ERI2: variants seen among roughly 807,000 people sequenced by gnomAD.
ERI2 encodes ERI1 exoribonuclease family member 2.
ERI2 carries 35 observed loss-of-function variants against 46.8 expected under a neutral mutation model. The ratio of observed to expected loss-of-function variants is 0.75; its 90% CI spans 0.57 to 0.99. The LOEUF is 0.99. Among genes scored for constraint, ERI2 ranks in the 50% least tolerant of loss-of-function variants. ERI2 has a pLI of 0.00. For missense variants in ERI2, 695 were observed against 796.2 expected (o/e 0.87, Z 1.53); for synonymous variants, 224 against 271.0 (o/e 0.83, Z 1.70).
chr16:20,802,756 T>C (rs1567372273), intron 4 of ERI2, 40 bp downstream of exon 4: 5 of 1,573,398 alleles, frequency 3.2e-6, no homozygotes, highest in African/African-American at 1.4e-5. Flanking sequence ...TTTATTTTCT[T>C]TTTGAAACTG....
rs1201673307 is a variant in ERI2 at position 20,797,216 on chromosome 16, T to C, written c.*508A>G. On this transcript the variant is annotated 3_prime_UTR_variant, in exon 9 of 9. Coordinates refer to ENST00000357967, the MANE Select transcript of ERI2 (RefSeq NM_001142725.2). ...TAAAAATAATACCATCAATTGCTGA[T>C]TAATTTTTAAATGTATAGTATAGAA... 1 of 1,209,476 alleles carries C rather than the reference T, an allele frequency of 8.3e-7. No individual in the cohort carries two copies. The highest frequency in any genetic ancestry group is 1.0e-6 in the Non-Finnish European group (1 of 972,852). The allele number at this position is 1,209,476 out of a possible 1,614,324, so 74.9% of individuals were successfully genotyped here.
At chr16:20,792,622 AG>A (rs1168949506), downstream of ERI2, 1 of 985,292 alleles carries the variant, frequency 1.0e-6, no homozygotes, top group African/African-American at 1.7e-5. Flanking sequence ...CCAGTAACCC[AG>A]GCTCACGTCA....
downstream of ERI2, chr16:20,792,437 A>AC: frequency 6.4e-7 from 1 of 1,562,342 alleles, no homozygotes; most frequent in Non-Finnish European, 8.7e-7. Flanking sequence ...TGATTCATTT[A>AC]CTAAATATGC....
chr16:20,804,388 G>C (rs1485564873), intron 1 of ERI2, among the ~76,000 whole-genome samples: 1 of 152,154 alleles, frequency 6.6e-6, no homozygotes, highest in Non-Finnish European at 1.5e-5. Flanking sequence ...GATAGGGCCA[G>C]GTAAAGTGGC....
chr16:20,788,111 T>TA (rs2080514450), intron 10 of ERI2, among the ~76,000 whole-genome samples: 1 of 152,190 alleles, frequency 6.6e-6, no homozygotes, highest in Admixed American at 6.5e-5. Flanking sequence ...TTTATTTATT[T>TA]TTTTATTTTT....
At chr16:20,801,570 A>G (rs1447122496) in intron 4 of ERI2, among the ~76,000 whole-genome samples, 2 of 152,206 alleles carry the variant, frequency 1.3e-5, no homozygotes, top group Non-Finnish European at 2.9e-5. Flanking sequence ...TGGGAAAGAA[A>G]GAATATTTAG....
At chr16:20,800,865 CAA>C (rs1317473749) in intron 5 of ERI2, 3 of 180,624 alleles carry the variant, frequency 1.7e-5, no homozygotes, top group African/African-American at 7.1e-5. Context: ...TTTTAAGTGT[CAA>C]AGCATAAAAG....
chr16:20,780,269 C>A, exon 11 of ERI2: 1 of 226,298 alleles, frequency 4.4e-6, no homozygotes, highest in Non-Finnish European at 8.9e-6. Flanking sequence ...TGTGTTGGCC[C>A]ATCAGTACCC....
At chr16:20,793,921 T>A (rs1010019262), downstream of ERI2, among the ~76,000 whole-genome samples, 2 of 152,172 alleles carry the variant, frequency 1.3e-5, no homozygotes, top group African/African-American at 4.8e-5. Context: ...CCACCTGATA[T>A]CCTAGCGTAC....
At position 20,797,502 on chromosome 16, in the gene ERI2, T is replaced by C; in HGVS notation, c.*222A>G. ...AATTTAAAAATAGTTTAGACTTGTT[T>C]CAAGGTCTAACTATAAAAGAAGGAT... On this transcript the variant is annotated 3_prime_UTR_variant, in exon 9 of 9. Coordinates refer to ENST00000357967, the MANE Select transcript of ERI2 (RefSeq NM_001142725.2). The C allele has an allele frequency of 8.8e-7, 1 of 1,140,124 alleles. No homozygotes were observed. Among genetic ancestry groups the C allele is most frequent in the East Asian group, 4.3e-5 (1 of 23,502 alleles). 70.6% of individuals were successfully genotyped at this position (1,140,124 alleles called of 1,614,324 possible). A position where few individuals can be genotyped will look rare whatever the true frequency, so the allele number is the denominator to read the frequency against.
chr16:20,799,700 T>C (rs1401488837), intron 7 of ERI2: 3 of 477,196 alleles, frequency 6.3e-6, no homozygotes, highest in East Asian at 7.1e-5. Context: ...TGAGCACTTG[T>C]TTAATCTCCA....
chr16:20,803,597 A>G lies in ERI2; in HGVS notation c.91+6T>C, dbSNP rs1687271633. 1 of 1,614,086 alleles carries G rather than the reference A, an allele frequency of 6.2e-7. No individual in the cohort carries two copies. The highest frequency in any genetic ancestry group is 8.5e-7 in the Non-Finnish European group (1 of 1,179,974). On this transcript the variant is annotated splice_donor_region_variant and intron_variant, in intron 2 of 8. Coordinates refer to ENST00000357967, the MANE Select transcript of ERI2 (RefSeq NM_001142725.2). ...AAAATGCAAAGAAACTAAGCATACTACTCACTGGATTTGCTTCTTCCGAGA... is the reference window on the plus strand; with the variant it reads ...AAAATGCAAAGAAACTAAGCATACTGCTCACTGGATTTGCTTCTTCCGAGA...
intron 3 of ERI2, 109 bp downstream of exon 3, chr16:20,803,324 A>G: frequency 8.1e-7 from 1 of 1,228,960 alleles, no homozygotes. Flanking sequence ...GCATTAAACT[A>G]CCAATGCATA....
chr16:20,797,430 AC>A lies in ERI2; in HGVS notation c.*293del. The A allele has an allele frequency of 9.8e-7, 1 of 1,019,250 alleles. No individual in the cohort carries two copies. Among genetic ancestry groups the A allele is most frequent in the Non-Finnish European group, 1.2e-6 (1 of 848,050 alleles). 63.1% of individuals were successfully genotyped at this position (1,019,250 alleles called of 1,614,324 possible). A position where few individuals can be genotyped will look rare whatever the true frequency, so the allele number is the denominator to read the frequency against. On this transcript the variant is annotated 3_prime_UTR_variant, in exon 9 of 9. Transcript: ENST00000357967. ...TGATAATCTCAAAGTACAAGAATCT[AC>A]CTGAAAATAGACTAGGGATTTTTAT...
chr16:20,806,355 G>T, intron 1 of ERI2, 53 bp downstream of exon 1: 1 of 1,546,064 alleles, frequency 6.5e-7, no homozygotes. Flanking sequence ...TGCGGCCAAC[G>T]CCAGCGCTGG....
chr16:20,796,291 C>T, downstream of ERI2: 1 of 1,554,694 alleles, frequency 6.4e-7, no homozygotes, highest in Non-Finnish European at 8.7e-7. Context: ...CATGTAGATT[C>T]TCAGAGCAAG....
At chr16:20,789,966 G>A (rs1411128369) in intron 9 of ERI2, among the ~76,000 whole-genome samples, 2 of 151,720 alleles carry the variant, frequency 1.3e-5, no homozygotes, top group East Asian at 1.9e-4. Context: ...GAGCCACTGC[G>A]CCCAGCCAGC....
In ERI2 at chr16:20,790,619, T is replaced by C. The variant is rs774234626; in HGVS notation, c.815+231A>G. The C allele has an allele frequency of 1.6e-5, 26 of 1,614,060 alleles. No individual in the cohort carries two copies. Among genetic ancestry groups the C allele is most frequent in the Admixed American group, 3.3e-5 (2 of 60,004 alleles). ...ATGTAAATGGCAATGTTCTACCTCCTGGACAAGAAGGAGATATTGGCATTC... is the reference window on the plus strand; with the variant it reads ...ATGTAAATGGCAATGTTCTACCTCCCGGACAAGAAGGAGATATTGGCATTC... On this transcript the variant is annotated intron_variant, in intron 9 of 10. Coordinates refer to the ERI2 transcript ENST00000300005. This position sits in a 1 kb window ranked among gnomAD's most constrained non-coding sequence, Gnocchi z 4.0.
At chr16:20,784,875 T>C in intron 10 of ERI2, 3 of 1,264,322 alleles carry the variant, frequency 2.4e-6, no homozygotes, top group Non-Finnish European at 3.2e-6. Context: ...GGGAGAGGAA[T>C]TAAAAAGCGA....
Sources: gnomAD v4.1 joint callset for allele counts (sites outside exome capture counted in the v4.1 genomes callset) on GRCh38, gnomAD v4.1.1 for gene constraint, Gnocchi (gnomAD v3.1) non-coding constraint, MANE v1.5 for transcripts, NCBI Gene and HGNC (gene_info 2026-07-23, HGNC 2026-07-21) for gene names.